The following DNM1 variants were observed in gnomAD, a reference collection of about 807,000 sequenced individuals.
The protein encoded by DNM1 is dynamin 1.
Under a neutral mutation model 104.6 loss-of-function variants are expected in DNM1, and 29 were observed. The ratio of observed to expected loss-of-function variants is 0.28; its 90% CI spans 0.21 to 0.38. The LOEUF (loss-of-function observed/expected upper bound fraction) is 0.38, where lower values mean the gene tolerates loss of function less well. DNM1 is among the 10% of genes least tolerant of loss of function. The pLI, the probability that DNM1 is intolerant of heterozygous loss-of-function variation, is 1.00. For synonymous variants in DNM1, 445 were observed against 475.8 expected, an observed-to-expected ratio of 0.94 and a Z score of 0.84; for missense variants, 640 against 1,189.4, an observed-to-expected ratio of 0.54 and a Z score of 6.79.
Position 128,234,100 on chromosome 9 carries a change from A to G in DNM1, c.1415A>G (p.Lys472Arg). Reference protein sequence around the residue: ...THIREREGRTKEQVMLLIDIE... With the variant: ...THIREREGRTREQVMLLIDIE... ...ATCCGGGAGCGCGAGGGCCGCACTAAGGAGCAGGTGAGCCCCGCAGCACCC... is the reference window on the plus strand; with the variant it reads ...ATCCGGGAGCGCGAGGGCCGCACTAGGGAGCAGGTGAGCCCCGCAGCACCC... Residue 472 changes from lysine to arginine, a missense_variant, in exon 11 of 22, where the codon AAG (lysine) becomes AGG (arginine). Transcript: ENST00000372923. The G allele has an allele frequency of 6.4e-7, 1 of 1,558,792 alleles. No individual in the cohort carries two copies. Among genetic ancestry groups the G allele is most frequent in the East Asian group, 2.4e-5 (1 of 41,530 alleles).
Position 128,218,093 on chromosome 9 carries a change from T to C in DNM1, c.162-138T>C. 1.2e-6 allele frequency: 1 copy of C among 803,690 alleles called. No homozygotes were observed. The allele number at this position is 803,690 out of a possible 1,614,324, so 49.8% of individuals were successfully genotyped here. A position where few individuals can be genotyped will look rare whatever the true frequency, so the allele number is the denominator to read the frequency against. ...GGGCTGCCATATGCTCTTAGTTACC[T>C]GAAGCCCCTGGGCTAAGGAGCGGTG... On this transcript the variant is annotated intron_variant, in intron 1 of 21. Transcript: ENST00000372923. This position sits in a 1 kb window ranked among gnomAD's most constrained non-coding sequence, Gnocchi z 4.8.
intron 10 of DNM1, among the ~76,000 whole-genome samples, chr9:128,229,288 G>A (rs926292860): frequency 3.3e-5 from 5 of 151,110 alleles, no homozygotes; most frequent in African/African-American, 1.2e-4. Flanking sequence ...CTTGCTACTT[G>A]GGAGGCTGAG....
Position 128,224,413 on chromosome 9 carries a change from C to G in DNM1, c.1335+24C>G. 6.2e-7 allele frequency: 1 copy of G among 1,600,870 alleles called. No individual in the cohort carries two copies. The highest frequency in any genetic ancestry group is 1.1e-5 in the South Asian group (1 of 89,366). On this transcript the variant is annotated intron_variant, in intron 10 of 21. Coordinates refer to ENST00000372923, the MANE Select transcript of DNM1 (RefSeq NM_004408.4). This position sits in a 1 kb window ranked among gnomAD's most constrained non-coding sequence, Gnocchi z 4.3. The stretch of plus-strand genomic sequence containing the variant: ...AGGTAACCCGGAGGCCCGGGCCAGC[C>G]CCCACCGCCTCTGCCCCGCCCTGCA...
chr9:128,203,573 G>T lies in DNM1; in HGVS notation c.103G>T (p.Ala35Ser), dbSNP rs1404767209. Residue 35 changes from alanine to serine, a missense_variant, in exon 1 of 22, where the codon GCT becomes TCT. By Grantham distance (99) the Ala-to-Ser change is moderately conservative (BLOSUM62 1). Transcript: ENST00000372923. The surrounding 1 kb of genome is among the most constrained non-coding windows in gnomAD (Gnocchi z 5.3). ...QNADLDLPQI[A>S]VVGGQSAGKS... ...CGCGGACCTCGACCTGCCGCAGATC[G>T]CTGTGGTGGGCGGCCAGAGCGCCGG... 1.9e-6 allele frequency: 3 copies of T among 1,550,318 alleles called. No individual in the cohort carries two copies. Among genetic ancestry groups the T allele is most frequent in the Admixed American group, 3.8e-5 (2 of 52,382 alleles).
chr9:128,220,143 C>G lies in DNM1; in HGVS notation c.689-38C>G. Reference sequence around the variant, plus strand: ...AGCCCTTCCCCACCCTTCCCCTCCTCTTGAGGCTGGTTGCCCTGACCTTGA... The same window carrying G: ...AGCCCTTCCCCACCCTTCCCCTCCTGTTGAGGCTGGTTGCCCTGACCTTGA... On this transcript the variant is annotated intron_variant, in intron 5 of 21. Coordinates refer to ENST00000372923, the MANE Select transcript of DNM1 (RefSeq NM_004408.4). The surrounding 1 kb of genome is among the most constrained non-coding windows in gnomAD (Gnocchi z 5.2). 1 of 1,613,482 alleles carries G rather than the reference C, an allele frequency of 6.2e-7. No individual in the cohort carries two copies. The highest frequency in any genetic ancestry group is 8.5e-7 in the Non-Finnish European group (1 of 1,179,412).
rs1461692920 is a variant in DNM1, at chr9:128,218,169, C to A, written c.162-62C>A. ...GGCTTTCCCAGGGGCCGGACAGGTACCCCTGGGACAGAGGGCGCCCCCTCA... is the reference window on the plus strand; with the variant it reads ...GGCTTTCCCAGGGGCCGGACAGGTAACCCTGGGACAGAGGGCGCCCCCTCA... On this transcript the variant is annotated intron_variant, in intron 1 of 21. Coordinates refer to ENST00000372923, the MANE Select transcript of DNM1 (RefSeq NM_004408.4). This position sits in a 1 kb window ranked among gnomAD's most constrained non-coding sequence, Gnocchi z 4.8. 1.3e-6 allele frequency: 2 copies of A among 1,523,876 alleles called. No homozygotes were observed. The highest frequency in any genetic ancestry group is 1.8e-6 in the Non-Finnish European group (2 of 1,097,812). The allele number at this position is 1,523,876 out of a possible 1,614,324, so 94.4% of individuals were successfully genotyped here.
intron 1 of DNM1, among the ~76,000 whole-genome samples, chr9:128,214,226 C>G (rs1834473863): frequency 1.3e-5 from 2 of 152,156 alleles, no homozygotes; most frequent in East Asian, 3.8e-4. Flanking sequence ...GCATGCCCAG[C>G]AAGCTATCGT....
At chr9:128,231,533 A>C (rs1835695587) in intron 10 of DNM1, among the ~76,000 whole-genome samples, 1 of 152,040 alleles carries the variant, frequency 6.6e-6, no homozygotes, top group Non-Finnish European at 1.5e-5. Flanking sequence ...AGTGGATCAT[A>C]ATTATTTTTT....
intron 10 of DNM1, among the ~76,000 whole-genome samples, chr9:128,226,773 T>A (rs1835367768): frequency 6.6e-6 from 1 of 152,192 alleles, no homozygotes; most frequent in Non-Finnish European, 1.5e-5. Context: ...GATGCCTTTT[T>A]CCTATTTGTC....
intron 10 of DNM1, 135 bp from the exon 11 acceptor site, chr9:128,233,884 GTC>G: frequency 2.7e-6 from 2 of 751,928 alleles, no homozygotes; most frequent in East Asian, 5.7e-5. Flanking sequence ...GGGACCCTAG[GTC>G]TCTCTTCCCC....
intron 11 of DNM1, among the ~76,000 whole-genome samples, chr9:128,238,581 A>G (rs7854612): frequency 0.38 from 57,469 of 151,674 alleles, 14,525 homozygotes; most frequent in African/African-American, 0.72. Flanking sequence ...TTTTTTACAC[A>G]TCCTTAGTGG....
In DNM1 at chr9:128,239,967, A is replaced by G; in HGVS notation, c.1546-18A>G. ...CTCCCCGATGCCTCTCGTGGTTGCT[A>G]TGGTTACCTCTTTGCAGGATGAGAT... On this transcript the variant is annotated intron_variant, in intron 13 of 21. Coordinates refer to ENST00000372923, the MANE Select transcript of DNM1 (RefSeq NM_004408.4). 3 of 1,613,850 alleles carry G rather than the reference A, an allele frequency of 1.9e-6. No homozygotes were observed. The highest frequency in any genetic ancestry group is 2.2e-5 in the East Asian group (1 of 44,854).
Position 128,238,476 on chromosome 9 carries a change from G to T in DNM1, c.1423-969G>T, listed in dbSNP as rs533520551. ...TGACCTCAGGTGATCCGCCCACTTC[G>T]GCCTCCCAAAGTGCTGGGATTACAG... On this transcript the variant is annotated intron_variant, in intron 11 of 21. Transcript: ENST00000372923. Among the ~76,000 whole-genome samples, 462 of 151,876 alleles carry T rather than the reference G, an allele frequency of 3.0e-3. 1 individual carries two copies. Among genetic ancestry groups the T allele is most frequent in the Middle Eastern group, 0.01 (3 of 294 alleles).
Position 128,253,921 on chromosome 9 carries a change from G to T in DNM1, c.2535-733G>T. 1 of 1,231,914 alleles carries T rather than the reference G, an allele frequency of 8.1e-7. No individual in the cohort carries two copies. Among genetic ancestry groups the T allele is most frequent in the Non-Finnish European group, 1.0e-6 (1 of 987,908 alleles). 76.3% of individuals were successfully genotyped at this position (1,231,914 alleles called of 1,614,324 possible). A position where few individuals can be genotyped will look rare whatever the true frequency, so the allele number is the denominator to read the frequency against. Reference sequence around the variant, plus strand: ...GTGCCATTCAGCCAAGGGGACGACCGTGCCTGCTGGCCCAGCTGAGCTCCG... The same window carrying T: ...GTGCCATTCAGCCAAGGGGACGACCTTGCCTGCTGGCCCAGCTGAGCTCCG... On this transcript the variant is annotated intron_variant, in intron 21 of 21. Coordinates refer to ENST00000372923, the MANE Select transcript of DNM1 (RefSeq NM_004408.4). This position sits in a 1 kb window ranked among gnomAD's most constrained non-coding sequence, Gnocchi z 5.9.
Position 128,240,915 on chromosome 9 carries a change from G to T in DNM1, c.1557+919G>T, listed in dbSNP as rs747541915. The T allele has an allele frequency of 5.7e-4, 87 of 152,920 alleles. No homozygotes were observed. Among genetic ancestry groups the T allele is most frequent in the Admixed American group, 1.2e-3 (19 of 15,304 alleles). The allele number at this position is 152,920 out of a possible 1,614,324, so 9.5% of individuals were successfully genotyped here. A position where few individuals can be genotyped will look rare whatever the true frequency, so the allele number is the denominator to read the frequency against. Reference sequence around the variant, plus strand: ...GAGTTCAGGGCTGGGTGTGGCCAAGGGGGAGGACAAAGACTACAAGTTAGG... The same window carrying T: ...GAGTTCAGGGCTGGGTGTGGCCAAGTGGGAGGACAAAGACTACAAGTTAGG... On this transcript the variant is annotated intron_variant, in intron 14 of 21. Coordinates refer to ENST00000372923, the MANE Select transcript of DNM1 (RefSeq NM_004408.4). This position sits in a 1 kb window ranked among gnomAD's most constrained non-coding sequence, Gnocchi z 5.1.
At position 128,248,923 on chromosome 9, in the gene DNM1, T is replaced by A. The variant is rs577753178; in HGVS notation, c.2076+170T>A. ...AAATATCATGAGGGGCTGGGCGCGG[T>A]GGCTCACACCTGTAATCCCAGCACT... On this transcript the variant is annotated intron_variant, in intron 19 of 21. Coordinates refer to ENST00000372923, the MANE Select transcript of DNM1 (RefSeq NM_004408.4). The surrounding 1 kb of genome is among the most constrained non-coding windows in gnomAD (Gnocchi z 5.6). Among the ~76,000 whole-genome samples, 3 of 152,222 alleles carry A rather than the reference T, an allele frequency of 2.0e-5. No individual in the cohort carries two copies. The East Asian group carries it at 5.8e-4, about 29-fold the overall frequency.
intron 10 of DNM1, chr9:128,231,989 G>A (rs1394392678): frequency 2.2e-6 from 1 of 456,608 alleles, no homozygotes; most frequent in Non-Finnish European, 4.4e-6. Flanking sequence ...TGAAAAGCTG[G>A]CGGAACATCC....
intron 1 of DNM1, chr9:128,204,230 G>C (rs992852968): frequency 6.6e-6 from 1 of 152,522 alleles, no homozygotes; most frequent in Admixed American, 6.5e-5. Flanking sequence ...GGCGAGGGGG[G>C]AGGCGCGGGC....
intron 11 of DNM1, 105 bp downstream of exon 11, chr9:128,234,212 C>A: frequency 1.1e-6 from 1 of 897,638 alleles, no homozygotes; most frequent in Non-Finnish European, 1.7e-6. Context: ...TTTGTCTCTT[C>A]TGTCTCAGTC....
Sources: allele counts gnomAD v4.1 joint callset (sites outside exome capture counted in the v4.1 genomes callset), GRCh38; gene constraint gnomAD v4.1.1; non-coding constraint Gnocchi (gnomAD v3.1); transcripts MANE v1.5; gene names NCBI Gene and HGNC (gene_info 2026-07-23, HGNC 2026-07-21).